Variants in BMP6 observed in about 807,000 individuals in gnomAD.
BMP6 encodes the protein VG-1-R.
A neutral mutation model predicts 54.1 loss-of-function variants in BMP6; 17 were observed. The ratio of observed to expected loss-of-function variants is 0.31; its 90% CI spans 0.22 to 0.47. The LOEUF is 0.47. BMP6 is among the 20% of genes least tolerant of loss of function. The pLI is 1.00. For synonymous variants in BMP6, 328 were observed against 291.2 expected, an observed-to-expected ratio of 1.13 and a Z score of -1.28; for missense variants, 720 against 690.4, an observed-to-expected ratio of 1.04 and a Z score of -0.48.
chr6:7,810,678 G>T (rs1362787032), intron 1 of BMP6, among the ~76,000 whole-genome samples: 1 of 152,190 alleles, frequency 6.6e-6, no homozygotes, highest in Admixed American at 6.5e-5. Flanking sequence ...AGATTATTTT[G>T]AGTCATTCAC....
intron 1 of BMP6, among the ~76,000 whole-genome samples, chr6:7,779,069 G>A (rs918296050): frequency 9.2e-5 from 14 of 152,294 alleles, no homozygotes; most frequent in Non-Finnish European, 8.8e-5. Context: ...TGTGCCTTTC[G>A]GGAAGCAGTG....
intron 1 of BMP6, among the ~76,000 whole-genome samples, chr6:7,769,019 C>G (rs1035423589): frequency 6.6e-6 from 1 of 152,174 alleles, no homozygotes; most frequent in African/African-American, 2.4e-5. Flanking sequence ...GCTTTACTGA[C>G]TAGATACAAC....
chr6:7,869,451 T>C (rs1377977736), intron 4 of BMP6, among the ~76,000 whole-genome samples: 2 of 152,158 alleles, frequency 1.3e-5, no homozygotes, highest in Non-Finnish European at 2.9e-5. Context: ...GCATTGGGGG[T>C]ATAGGCAATG....
intron 1 of BMP6, among the ~76,000 whole-genome samples, chr6:7,745,133 G>A (rs1362178952): frequency 6.6e-6 from 1 of 152,208 alleles, no homozygotes; most frequent in African/African-American, 2.4e-5. Flanking sequence ...AATTTTCTGT[G>A]TGTGGAATGC....
chr6:7,728,074 C>T (rs1055047582), intron 1 of BMP6, among the ~76,000 whole-genome samples: 1 of 151,516 alleles, frequency 6.6e-6, no homozygotes, highest in Non-Finnish European at 1.5e-5. Flanking sequence ...ACTTGGAGTG[C>T]AGTTTTCCCA....
intron 1 of BMP6, among the ~76,000 whole-genome samples, chr6:7,839,218 G>A (rs116724721): frequency 0.068 from 10,418 of 152,208 alleles, 585 homozygotes; most frequent in African/African-American, 0.15. Flanking sequence ...AGGCTGGAGC[G>A]CAGTGGTGTA....
chr6:7,777,901 A>G (rs959062744), intron 1 of BMP6, among the ~76,000 whole-genome samples: 2 of 152,152 alleles, frequency 1.3e-5, no homozygotes, highest in African/African-American at 4.8e-5. Flanking sequence ...CACTGTATAC[A>G]TTAGTTCATG....
At chr6:7,830,409 C>T (rs73365728) in intron 1 of BMP6, among the ~76,000 whole-genome samples, 3,512 of 152,224 alleles carry the variant, frequency 0.023, 145 homozygotes, top group African/African-American at 0.078. Flanking sequence ...CTGATTTCCC[C>T]AGCCTCTTTC....
At chr6:7,746,607 G>T (rs750924824) in intron 1 of BMP6, among the ~76,000 whole-genome samples, 2 of 152,106 alleles carry the variant, frequency 1.3e-5, no homozygotes, top group Non-Finnish European at 2.9e-5. Context: ...AAAACTTGTG[G>T]AAAAAGTACT....
chr6:7,801,073 C>T (rs1019925622), intron 1 of BMP6, among the ~76,000 whole-genome samples: 9 of 152,164 alleles, frequency 5.9e-5, no homozygotes, highest in Admixed American at 2.0e-4. Flanking sequence ...ATCTCAGTTC[C>T]AGAATGTAGT....
Position 7,813,108 on chromosome 6 carries a change from AATATATATATAT to A in BMP6, c.665-32002_665-31991del, listed in dbSNP as rs1182296124. On this transcript the variant is annotated intron_variant, in intron 1 of 6. Transcript: ENST00000283147. ...CTACAAAAAAAAAAAAAAAAAAAAA[AATATATATATAT>A]ATATATATATATATATATATATATA... 4.6e-3 allele frequency among the ~76,000 whole-genome samples: 98 copies of A among 21,456 alleles called. 1 individual carries two copies. Among genetic ancestry groups the A allele is most frequent in the African/African-American group, 8.3e-3 (42 of 5,076 alleles). 14.1% of individuals were successfully genotyped at this position (21,456 alleles called of 152,430 possible).
At chr6:7,774,716 A>T (rs1043784156) in intron 1 of BMP6, among the ~76,000 whole-genome samples, 3 of 152,226 alleles carry the variant, frequency 2.0e-5, no homozygotes, top group African/African-American at 7.2e-5. Context: ...CAAAAAAAAG[A>T]TCAACACAAT....
chr6:7,778,380 G>C (rs970447011), intron 1 of BMP6, among the ~76,000 whole-genome samples: 2 of 152,192 alleles, frequency 1.3e-5, no homozygotes, highest in South Asian at 2.1e-4. Context: ...GGTAGTTGCT[G>C]TTATTCCTAT....
At chr6:7,856,141 A>AAAAAG (rs1759228968) in intron 2 of BMP6, among the ~76,000 whole-genome samples, 1 of 149,682 alleles carries the variant, frequency 6.7e-6, no homozygotes, top group Non-Finnish European at 1.5e-5. Flanking sequence ...AAAAAAAAAA[A>AAAAAG]AAATGCAAGT....
At chr6:7,795,931 G>A (rs886134106) in intron 1 of BMP6, among the ~76,000 whole-genome samples, 2 of 152,108 alleles carry the variant, frequency 1.3e-5, no homozygotes, top group African/African-American at 4.8e-5. Context: ...AACATGATGA[G>A]TTCAGTTTGA....
rs571421800 is a variant in BMP6 at position 7,876,050 on chromosome 6, A to G, written c.1205-3024A>G. 2.9e-4 allele frequency among the ~76,000 whole-genome samples: 44 copies of G among 152,272 alleles called. No homozygotes were observed. In the South Asian group the frequency reaches 3.5e-3, roughly 12 times the overall value. Reference sequence around the variant, plus strand: ...ATGCTAGGGGACAAAGAGGGGAGCTATCTGTCGTGGGAAATGGGGCTCTGA... The same window carrying G: ...ATGCTAGGGGACAAAGAGGGGAGCTGTCTGTCGTGGGAAATGGGGCTCTGA... On this transcript the variant is annotated intron_variant, in intron 4 of 6. Transcript: ENST00000283147.
At chr6:7,765,079 C>T (rs1339139672) in intron 1 of BMP6, among the ~76,000 whole-genome samples, 1 of 152,190 alleles carries the variant, frequency 6.6e-6, no homozygotes, top group African/African-American at 2.4e-5. Flanking sequence ...CCTCCCTGCT[C>T]CCACTTGCAG....
intron 1 of BMP6, among the ~76,000 whole-genome samples, chr6:7,827,238 G>A (rs1015095058): frequency 3.9e-5 from 6 of 152,196 alleles, no homozygotes; most frequent in African/African-American, 1.2e-4. Flanking sequence ...CCCCCTGTGC[G>A]GACCTGCTGC....
intron 3 of BMP6, 59 bp from the exon 4 acceptor site, chr6:7,862,242 T>C (rs921485084): frequency 1.9e-6 from 3 of 1,565,322 alleles, no homozygotes; most frequent in South Asian, 2.2e-5. Context: ...TTAACTGTTG[T>C]AGCTACAGGA....
Sources: gnomAD v4.1 joint callset for allele counts (sites outside exome capture counted in the v4.1 genomes callset) on GRCh38, gnomAD v4.1.1 for gene constraint, MANE v1.5 for transcripts, NCBI Gene and HGNC (gene_info 2026-07-23, HGNC 2026-07-21) for gene names.